Variants in GIPC2 observed in about 807,000 individuals in gnomAD.
GIPC2 encodes GIPC PDZ domain containing family member 2, also known as PDZ domain-containing protein GIPC2.
In GIPC2, 30 loss-of-function variants were observed where a neutral mutation model predicts 30.6. That is an observed-to-expected ratio of 0.98 (90% CI 0.73 to 1.33). The LOEUF (loss-of-function observed/expected upper bound fraction) is 1.33, where lower values mean the gene tolerates loss of function less well. Among genes scored for constraint, GIPC2 ranks in the 40% most tolerant of loss-of-function variants. GIPC2 has a pLI of 0.00. For synonymous variants in GIPC2, 167 were observed against 150.0 expected (o/e 1.11, Z -0.83); for missense variants, 414 against 390.3 (o/e 1.06, Z -0.51).
intron 3 of GIPC2, among the ~76,000 whole-genome samples, chr1:78,110,473 C>T (rs1026284920): frequency 1.3e-5 from 2 of 152,196 alleles, no homozygotes; most frequent in Non-Finnish European, 2.9e-5. Flanking sequence ...CTGTGAACTC[C>T]CTGTTTGTAG....
At chr1:78,097,590 G>A (rs1225148180) in intron 3 of GIPC2, among the ~76,000 whole-genome samples, 1 of 152,138 alleles carries the variant, frequency 6.6e-6, no homozygotes, top group East Asian at 1.9e-4. Flanking sequence ...AATCCTTTCT[G>A]CCTGCCTTCA....
At chr1:78,121,234 C>T (rs976387664) in intron 4 of GIPC2, among the ~76,000 whole-genome samples, 2 of 152,044 alleles carry the variant, frequency 1.3e-5, no homozygotes, top group African/African-American at 4.8e-5. Context: ...AAGCAGCAGG[C>T]CCACAACAGC....
At chr1:78,092,041 T>A (rs2100369740) in intron 2 of GIPC2, 3 of 1,529,986 alleles carry the variant, frequency 2.0e-6, no homozygotes, top group Non-Finnish European at 2.7e-6. Flanking sequence ...CCCTCCTGTC[T>A]ACTGGCTCCA....
chr1:78,084,447 G>A (rs1010338166), intron 2 of GIPC2, among the ~76,000 whole-genome samples: 1 of 149,586 alleles, frequency 6.7e-6, no homozygotes, highest in Admixed American at 6.7e-5. Flanking sequence ...GGAGGTGGAG[G>A]TTGCAATGAG....
chr1:78,078,442 A>AC (rs1415245630), intron 1 of GIPC2, among the ~76,000 whole-genome samples: 3 of 152,166 alleles, frequency 2.0e-5, no homozygotes, highest in Admixed American at 2.0e-4. Flanking sequence ...GGTTTTCAAC[A>AC]CAGCTTCCCA....
At chr1:78,119,626 G>T (rs1233754448) in intron 4 of GIPC2, 127 bp downstream of exon 4, 3 of 607,460 alleles carry the variant, frequency 4.9e-6, no homozygotes. Context: ...ATTACTGAAG[G>T]TATTTAAAAA....
intron 1 of GIPC2, chr1:78,069,144 G>A (rs1661572275): frequency 2.5e-5 from 24 of 945,486 alleles, no homozygotes; most frequent in Non-Finnish European, 3.0e-5. Context: ...AGCCAGGGCA[G>A]TGCCTGGGTA....
At chr1:78,120,632 T>A (rs1454053382) in intron 4 of GIPC2, among the ~76,000 whole-genome samples, 1 of 152,190 alleles carries the variant, frequency 6.6e-6, no homozygotes, top group Non-Finnish European at 1.5e-5. Context: ...TGGGGAGGCC[T>A]CACAATCATG....
intron 1 of GIPC2, among the ~76,000 whole-genome samples, chr1:78,059,540 C>T (rs899259870): frequency 2.6e-4 from 40 of 152,230 alleles, no homozygotes; most frequent in African/African-American, 9.2e-4. Flanking sequence ...TTCAGGGATT[C>T]AAGACCAGCC....
intron 3 of GIPC2, among the ~76,000 whole-genome samples, chr1:78,102,659 C>T (rs1662270491): frequency 6.6e-6 from 1 of 152,162 alleles, no homozygotes; most frequent in Non-Finnish European, 1.5e-5. Context: ...TTGGTCTCCT[C>T]ATACAAAATG....
At chr1:78,099,999 C>A (rs1212743427) in intron 3 of GIPC2, among the ~76,000 whole-genome samples, 1 of 152,104 alleles carries the variant, frequency 6.6e-6, no homozygotes, top group African/African-American at 2.4e-5. Context: ...TATATGAAGA[C>A]AAAGACTGGG....
chr1:78,135,568 A>T, intron 5 of GIPC2, 24 bp from the exon 6 acceptor site: 5 of 1,419,302 alleles, frequency 3.5e-6, no homozygotes, highest in Non-Finnish European at 2.9e-6. Flanking sequence ...TTTATTGTTA[A>T]TTTTTTAATA....
At chr1:78,109,982 A>T (rs1662435068) in intron 3 of GIPC2, among the ~76,000 whole-genome samples, 1 of 152,132 alleles carries the variant, frequency 6.6e-6, no homozygotes, top group South Asian at 2.1e-4. Context: ...GTGGGAATTG[A>T]ACAATGAGAA....
At chr1:78,070,757 T>A (rs929594668) in intron 1 of GIPC2, among the ~76,000 whole-genome samples, 3 of 152,158 alleles carry the variant, frequency 2.0e-5, no homozygotes, top group African/African-American at 4.8e-5. Context: ...TTTGGTAGAT[T>A]CAAAATATGA....
At chr1:78,135,454 ATTTGCATTTAAT>A (rs1295833956) in intron 5 of GIPC2, 126 bp from the exon 6 acceptor site, 14 of 600,982 alleles carry the variant, frequency 2.3e-5, no homozygotes, top group East Asian at 8.4e-5. Flanking sequence ...TACTGTTTTA[ATTTGCATTTAAT>A]TTTGCATTTA....
chr1:78,116,507 C>A (rs1029439067), intron 3 of GIPC2, among the ~76,000 whole-genome samples: 1 of 151,562 alleles, frequency 6.6e-6, no homozygotes, highest in Non-Finnish European at 1.5e-5. Flanking sequence ...CCTCCCGCCT[C>A]CCCCCACTCC....
intron 4 of GIPC2, among the ~76,000 whole-genome samples, chr1:78,123,565 G>A (rs565276652): frequency 2.0e-5 from 3 of 152,252 alleles, no homozygotes; most frequent in Non-Finnish European, 2.9e-5. Flanking sequence ...TGGTTCCAGG[G>A]TATGGGTTGT....
intron 1 of GIPC2, among the ~76,000 whole-genome samples, chr1:78,076,754 A>C (rs1446166624): frequency 6.6e-6 from 1 of 151,998 alleles, no homozygotes; most frequent in African/African-American, 2.4e-5. Context: ...ATCCCTACCT[A>C]CTAAAAGGTT....
At chr1:78,053,079 TG>T (rs1409103583) in intron 1 of GIPC2, among the ~76,000 whole-genome samples, 4 of 152,132 alleles carry the variant, frequency 2.6e-5, no homozygotes, top group African/African-American at 9.7e-5. Context: ...ATGAAAGAAT[TG>T]GGAATTGGGT....
Sources: allele counts gnomAD v4.1 joint callset (sites outside exome capture counted in the v4.1 genomes callset), GRCh38; gene constraint gnomAD v4.1.1; transcripts MANE v1.5; gene names NCBI Gene and HGNC (gene_info 2026-07-23, HGNC 2026-07-21).